DMD: variants seen among roughly 807,000 people sequenced by gnomAD.
DMD encodes the protein mutant dystrophin.
A neutral mutation model predicts 330.1 loss-of-function variants in DMD; 63 were observed. The ratio of observed to expected loss-of-function variants is 0.19; its 90% CI spans 0.16 to 0.24. The LOEUF (loss-of-function observed/expected upper bound fraction) is 0.24, where lower values mean the gene tolerates loss of function less well. Ranked by LOEUF, DMD falls within the 10% of genes least tolerant of loss-of-function variation. The probability of loss-of-function intolerance (pLI) is 1.00; values close to 1 mark genes in which losing one functional copy is unlikely to be tolerated. For missense variants in DMD, 3,344 were observed against 2,684.1 expected, an observed-to-expected ratio of 1.25 and a Z score of -5.43; for synonymous variants, 1,223 against 959.8, an observed-to-expected ratio of 1.27 and a Z score of -5.07.
At chrX:31,323,079 T>C (rs1369086046) in intron 62 of DMD, among the ~76,000 whole-genome samples, 1 of 112,031 alleles carries the variant, frequency 8.9e-6, no homozygotes, top group Non-Finnish European at 1.9e-5. Context: ...ACAGTATCTT[T>C]CTGTTGTTAG....
At chrX:33,190,910 A>T (rs1215102136) in intron 1 of DMD, among the ~76,000 whole-genome samples, 1 of 13,666 alleles carries the variant, frequency 7.3e-5, no homozygotes, top group Non-Finnish European at 2.2e-4. Flanking sequence ...TATAATATAT[A>T]ATATTATATA....
At chrX:32,348,556 A>G (rs1297436898) in intron 37 of DMD, 28 bp from the exon 38 acceptor site, 1 of 1,163,620 alleles carries the variant, frequency 8.6e-7, no homozygotes, top group Non-Finnish European at 1.2e-6. Context: ...GCTACTTTAA[A>G]TCAAAATTAC....
intron 29 of DMD, among the ~76,000 whole-genome samples, chrX:32,428,657 G>A (rs746461005): frequency 9.0e-6 from 1 of 111,600 alleles, no homozygotes; most frequent in Admixed American, 9.5e-5. Flanking sequence ...CCGTAACCCA[G>A]GCTGGAGTGG....
chrX:32,955,716 A>G (rs1388685246), intron 2 of DMD, among the ~76,000 whole-genome samples: 2 of 111,641 alleles, frequency 1.8e-5, no homozygotes, highest in African/African-American at 3.3e-5. Context: ...ATCTTTGTAC[A>G]TGGTGTAAGG....
chrX:31,951,378 AT>A (rs1223326922), intron 45 of DMD, among the ~76,000 whole-genome samples: 1 of 106,576 alleles, frequency 9.4e-6, no homozygotes, highest in Admixed American at 1.0e-4. Context: ...CAAATTTCAG[AT>A]TTTTTTAATG....
At position 31,836,806 on chromosome X, in the gene DMD, G is replaced by T. The variant is rs767961100; in HGVS notation, c.7112C>A (p.Ala2371Glu). ...GPFDVKETEI[A>E]VQAKQPDVEE... is the part of the protein sequence containing the mutation. Reference sequence around the variant, plus strand: ...CACATCCGGTTGTTTAGCTTGAACTGCTATTTCAGTTTCCTGGGGAAAAGA... The same window carrying T: ...CACATCCGGTTGTTTAGCTTGAACTTCTATTTCAGTTTCCTGGGGAAAAGA... Residue 2371 changes from alanine to glutamate, a missense_variant, in exon 49 of 79, where the codon GCA (alanine) becomes GAA (glutamate). Ala to Glu is a moderately radical substitution (Grantham distance 107). Coordinates refer to ENST00000357033, the MANE Select transcript of DMD (RefSeq NM_004006.3). 2 of 1,208,815 alleles carry T rather than the reference G, an allele frequency of 1.7e-6. No homozygotes were observed. The highest frequency in any genetic ancestry group is 1.1e-6 in the Non-Finnish European group (1 of 893,051).
intron 34 of DMD, among the ~76,000 whole-genome samples, chrX:32,368,661 C>T (rs933505827): frequency 4.5e-5 from 5 of 111,316 alleles, no homozygotes; most frequent in Non-Finnish European, 7.6e-5. Flanking sequence ...TACCTGTACT[C>T]ATTCCTCTCA....
intron 37 of DMD, among the ~76,000 whole-genome samples, chrX:32,354,303 A>G (rs1024740143): frequency 1.2e-4 from 13 of 111,679 alleles, no homozygotes; most frequent in Non-Finnish European, 2.3e-4. Context: ...TCCTTTTTCC[A>G]TTCTGCAGCT....
At chrX:32,467,903 C>A (rs957865066) in intron 23 of DMD, among the ~76,000 whole-genome samples, 12 of 109,744 alleles carry the variant, frequency 1.1e-4, no homozygotes, top group Admixed American at 1.1e-3. Flanking sequence ...CATTAATACA[C>A]CTACATTTCT....
At chrX:32,110,434 C>G (rs1238034826) in intron 44 of DMD, among the ~76,000 whole-genome samples, 1 of 111,890 alleles carries the variant, frequency 8.9e-6, no homozygotes, top group Non-Finnish European at 1.9e-5. Context: ...AGTTTTCACT[C>G]TGTTATCATG....
chrX:33,283,069 T>C (rs2053363707), intron 1 of DMD, among the ~76,000 whole-genome samples: 1 of 111,972 alleles, frequency 8.9e-6, no homozygotes, highest in Non-Finnish European at 1.9e-5. Flanking sequence ...CTCAGTCTTG[T>C]TTTAATATGT....
At chrX:32,008,467 G>A (rs2095679920) in intron 44 of DMD, among the ~76,000 whole-genome samples, 1 of 111,035 alleles carries the variant, frequency 9.0e-6, no homozygotes. Context: ...AGGATCATAG[G>A]ATTAAAAAAA....
At chrX:32,668,283 C>T in intron 9 of DMD, among the ~76,000 whole-genome samples, 2 of 112,418 alleles carry the variant, frequency 1.8e-5, no homozygotes, top group Middle Eastern at 9.2e-3. Context: ...CATTGTTAAA[C>T]ACCCTCAGTG....
In DMD at chrX:33,221,244, A is replaced by G. The variant is rs770225008; in HGVS notation, c.7+118015T>C. ...CAACTTCAGGTCCCTGCCCTCAAAT[A>G]GATTATACCTTGGGTATATTAAAAG... On this transcript the variant is annotated intron_variant, in intron 1 of 17. Transcript: ENST00000288447. Among the ~76,000 whole-genome samples, 22 of 111,823 alleles carry G rather than the reference A, an allele frequency of 2.0e-4. 1 individual carries two copies. In the South Asian group the frequency reaches 4.8e-3, roughly 25 times the overall value.
At chrX:31,588,354 C>G (rs1010515402) in intron 55 of DMD, among the ~76,000 whole-genome samples, 1 of 111,233 alleles carries the variant, frequency 9.0e-6, no homozygotes, top group Non-Finnish European at 1.9e-5. Context: ...CTACCTTCTT[C>G]ATCTAACTGT....
chrX:32,515,160 T>C (rs142480237), intron 18 of DMD, among the ~76,000 whole-genome samples: 239 of 111,210 alleles, frequency 2.1e-3, no homozygotes, highest in Non-Finnish European at 4.0e-3. Flanking sequence ...ATGAGTAGAA[T>C]AAGTATATAG....
At chrX:32,226,973 T>C (rs188165488) in intron 43 of DMD, among the ~76,000 whole-genome samples, 32 of 108,653 alleles carry the variant, frequency 2.9e-4, no homozygotes, top group African/African-American at 9.0e-4. Flanking sequence ...ATTTAGCAAG[T>C]TCAACACCAT....
At chrX:31,252,969 G>A (rs1468766000) in intron 63 of DMD, among the ~76,000 whole-genome samples, 2 of 107,272 alleles carry the variant, frequency 1.9e-5, no homozygotes, top group Non-Finnish European at 3.8e-5. Context: ...CCAGCCTGGC[G>A]ACAGAGTGAG....
At chrX:32,544,521 T>G (rs1240484564) in intron 17 of DMD, among the ~76,000 whole-genome samples, 1 of 112,039 alleles carries the variant, frequency 8.9e-6, no homozygotes, top group Non-Finnish European at 1.9e-5. Context: ...CATAAAATTT[T>G]ATTGCCATCA....
Sources: allele counts gnomAD v4.1 joint callset (sites outside exome capture counted in the v4.1 genomes callset), GRCh38; gene constraint gnomAD v4.1.1; transcripts MANE v1.5; gene names NCBI Gene and HGNC (gene_info 2026-07-23, HGNC 2026-07-21).